Variants in CNTN5 observed in about 807,000 individuals in gnomAD.
The protein encoded by CNTN5 is contactin-5.
CNTN5 carries 77 observed loss-of-function variants against 129.1 expected under a neutral mutation model. The ratio of observed to expected loss-of-function variants is 0.60; its 90% CI spans 0.50 to 0.72. The LOEUF is 0.72. Among genes scored for constraint, CNTN5 ranks in the 30% least tolerant of loss-of-function variants. The pLI is 0.00. For missense variants in CNTN5, 1,478 were observed against 1,328.8 expected (o/e 1.11, Z -1.75); for synonymous variants, 509 against 465.6 (o/e 1.09, Z -1.20).
At chr11:100,277,899 T>C (rs1950549425) in intron 18 of CNTN5, among the ~76,000 whole-genome samples, 1 of 152,150 alleles carries the variant, frequency 6.6e-6, no homozygotes, top group African/African-American at 2.4e-5. Flanking sequence ...TCCGTTGTCT[T>C]GCACAGTTTC....
intron 17 of CNTN5, among the ~76,000 whole-genome samples, chr11:100,269,478 A>T (rs1288434060): frequency 6.6e-6 from 1 of 152,132 alleles, no homozygotes; most frequent in African/African-American, 2.4e-5. Flanking sequence ...TTGTATGCTG[A>T]TGGGAAACAT....
In CNTN5 at chr11:100,337,238, C is replaced by A. The variant is rs114016273; in HGVS notation, c.2731-3225C>A. ...CCTCCAGAAACATATGTGAAAGTGG[C>A]AGGCCACCTGAGATCTTTTCAGAAC... On this transcript the variant is annotated intron_variant, in intron 21 of 24. Coordinates refer to ENST00000524871, the MANE Select transcript of CNTN5 (RefSeq NM_014361.4). 7,584 of 1,536,570 alleles carry A rather than the reference C, an allele frequency of 4.9e-3. 309 individuals carry two copies. In the African/African-American group the frequency reaches 0.087, roughly 18 times the overall value.
intron 1 of CNTN5, among the ~76,000 whole-genome samples, chr11:99,253,258 G>A (rs373863370): frequency 5.9e-5 from 9 of 152,006 alleles, no homozygotes; most frequent in African/African-American, 1.9e-4. Context: ...GAATGACTTC[G>A]CCCCTTATTC....
At chr11:99,724,484 C>T (rs1943272248) in intron 3 of CNTN5, among the ~76,000 whole-genome samples, 1 of 152,134 alleles carries the variant, frequency 6.6e-6, no homozygotes, top group Admixed American at 6.5e-5. Flanking sequence ...GTGCTCAATG[C>T]CAAACATTGT....
chr11:99,492,281 A>G (rs1012133566), intron 2 of CNTN5, among the ~76,000 whole-genome samples: 4 of 152,058 alleles, frequency 2.6e-5, no homozygotes, highest in Non-Finnish European at 5.9e-5. Context: ...TATGAAAAAC[A>G]AAGATCTACA....
intron 13 of CNTN5, among the ~76,000 whole-genome samples, chr11:100,104,160 T>A (rs1945333666): frequency 6.7e-6 from 1 of 149,984 alleles, no homozygotes; most frequent in African/African-American, 2.5e-5. Context: ...AGTAGTGAGA[T>A]CTCCGCTCAC....
chr11:99,311,224 G>C (rs560678668), intron 1 of CNTN5, among the ~76,000 whole-genome samples: 79 of 152,260 alleles, frequency 5.2e-4, no homozygotes, highest in African/African-American at 1.9e-3. Context: ...ACCGCACCCA[G>C]CCTGATTAGT....
At chr11:99,507,761 G>A (rs930310998) in intron 2 of CNTN5, among the ~76,000 whole-genome samples, 5 of 152,060 alleles carry the variant, frequency 3.3e-5, no homozygotes, top group African/African-American at 1.2e-4. Flanking sequence ...TTTTCATCAA[G>A]TGTAAATATG....
At chr11:99,766,528 CTAATA>C (rs1230964323) in intron 3 of CNTN5, among the ~76,000 whole-genome samples, 2 of 151,950 alleles carry the variant, frequency 1.3e-5, no homozygotes, top group Non-Finnish European at 2.9e-5. Flanking sequence ...ATACTGAAAA[CTAATA>C]TAAAGTTCTA....
At position 100,117,322 on chromosome 11, in the gene CNTN5, C is replaced by A. The variant is rs189994255; in HGVS notation, c.1580+43028C>A. 1.6e-4 allele frequency among the ~76,000 whole-genome samples: 25 copies of A among 152,004 alleles called. 1 individual carries two copies. The highest frequency in any genetic ancestry group is 1.4e-3 in the Admixed American group (22 of 15,226). On this transcript the variant is annotated intron_variant, in intron 13 of 24. Transcript: ENST00000524871. The stretch of plus-strand genomic sequence containing the variant: ...TGATTGAGCCACATCCCTGTACTTT[C>A]AGTCCCTGTCTTGCAAAATACTGGA...
intron 13 of CNTN5, among the ~76,000 whole-genome samples, chr11:100,162,058 TGG>T (rs1947473935): frequency 6.6e-6 from 1 of 151,648 alleles, no homozygotes. Context: ...TTCGTCCAAG[TGG>T]GTGAATAGGG....
At chr11:99,415,326 T>G (rs1942605364) in intron 2 of CNTN5, among the ~76,000 whole-genome samples, 1 of 149,992 alleles carries the variant, frequency 6.7e-6, no homozygotes, top group African/African-American at 2.4e-5. Flanking sequence ...AAAAAAAAAA[T>G]GTGTGATCTA....
chr11:100,161,208 C>T (rs1165275930), intron 13 of CNTN5, among the ~76,000 whole-genome samples: 1 of 151,782 alleles, frequency 6.6e-6, no homozygotes, highest in Non-Finnish European at 1.5e-5. Context: ...TGGGCTGTGA[C>T]TCTTCACAAG....
chr11:100,082,441 C>A (rs1944401211), intron 13 of CNTN5, among the ~76,000 whole-genome samples: 1 of 152,020 alleles, frequency 6.6e-6, no homozygotes, highest in African/African-American at 2.4e-5. Flanking sequence ...ACTGTCACCA[C>A]CATGCCTGGA....
At chr11:99,185,288 T>G (rs199539760) in intron 1 of CNTN5, among the ~76,000 whole-genome samples, 2 of 1,172 alleles carry the variant, frequency 1.7e-3, no homozygotes, top group East Asian at 0.33. Flanking sequence ...TAACTAAAGA[T>G]TTTTTTTATT....
chr11:99,727,596 C>G (rs1276222727), intron 3 of CNTN5, among the ~76,000 whole-genome samples: 1 of 94,486 alleles, frequency 1.1e-5, no homozygotes, highest in Non-Finnish European at 2.1e-5. Context: ...TACTATTGTC[C>G]TTTAATGAAA....
At chr11:99,343,977 T>G (rs1866638354) in intron 2 of CNTN5, among the ~76,000 whole-genome samples, 3 of 152,154 alleles carry the variant, frequency 2.0e-5, no homozygotes, top group Admixed American at 6.5e-5. Context: ...ATGATAAACC[T>G]AAAAAATACA....
chr11:99,548,949 A>G (rs1948389085), intron 2 of CNTN5, among the ~76,000 whole-genome samples: 1 of 151,884 alleles, frequency 6.6e-6, no homozygotes, highest in Non-Finnish European at 1.5e-5. Flanking sequence ...TTTCTTTCTC[A>G]CTCAAAAAAA....
chr11:99,277,835 G>C (rs572146773), intron 1 of CNTN5, among the ~76,000 whole-genome samples: 15 of 151,624 alleles, frequency 9.9e-5, no homozygotes, highest in Non-Finnish European at 2.2e-4. Flanking sequence ...GCGAAAAGTT[G>C]ACTAGTGTCT....
Sources: gnomAD v4.1 joint callset for allele counts (sites outside exome capture counted in the v4.1 genomes callset) on GRCh38, gnomAD v4.1.1 for gene constraint, MANE v1.5 for transcripts, NCBI Gene and HGNC (gene_info 2026-07-23, HGNC 2026-07-21) for gene names.